The following SMC1A variants were observed in gnomAD, a reference collection of about 807,000 sequenced individuals.
The protein encoded by SMC1A is structural maintenance of chromosomes 1A.
Under a neutral mutation model 94.5 loss-of-function variants are expected in SMC1A, and 4 were observed. The observed-to-expected ratio is 0.04, with a 90% CI of 0.02 to 0.10. SMC1A has a LOEUF of 0.10. SMC1A is among the 10% of genes least tolerant of loss of function. The pLI, the probability that SMC1A is intolerant of heterozygous loss-of-function variation, is 1.00. For missense variants in SMC1A, 304 were observed against 989.0 expected (o/e 0.31, Z 9.29); for synonymous variants, 345 against 347.7 (o/e 0.99, Z 0.09).
intron 19 of SMC1A, among the ~76,000 whole-genome samples, chrX:53,385,622 C>G (rs1398956807): frequency 9.1e-6 from 1 of 110,041 alleles, no homozygotes; most frequent in Non-Finnish European, 1.9e-5. Flanking sequence ...AATAGTGTAT[C>G]TATATTTTAT....
At chrX:53,422,059 G>A in intron 1 of SMC1A, 4 of 1,198,991 alleles carry the variant, frequency 3.3e-6, no homozygotes, top group Non-Finnish European at 4.5e-6. Context: ...GAAGTGCACC[G>A]TTTGGGACCG....
At position 53,375,221 on chromosome X, in the gene SMC1A, C is replaced by T. The variant is rs1369850762; in HGVS notation, c.*4882G>A. On this transcript the variant is annotated 3_prime_UTR_variant, in exon 25 of 25. Coordinates refer to ENST00000322213, the MANE Select transcript of SMC1A (RefSeq NM_006306.4). Reference sequence around the variant, plus strand: ...TTGTTTGACCTGTCCAATACATTGACCTTCAAGGTTCAACCTAAGTCCCAC... The same window carrying T: ...TTGTTTGACCTGTCCAATACATTGATCTTCAAGGTTCAACCTAAGTCCCAC... 4 of 112,243 alleles carry T rather than the reference C, an allele frequency of 3.6e-5. No homozygotes were observed. Among genetic ancestry groups the T allele is most frequent in the Non-Finnish European group, 5.6e-5 (3 of 53,249 alleles). The allele number at this position is 112,243 out of a possible 1,213,427, so 9.3% of individuals were successfully genotyped here.
At chrX:53,390,594 ACT>A (rs1276630636) in intron 19 of SMC1A, among the ~76,000 whole-genome samples, 1 of 111,006 alleles carries the variant, frequency 9.0e-6, no homozygotes, top group Non-Finnish European at 1.9e-5. Context: ...GTAGTATTTT[ACT>A]TTTGCATATA....
At chrX:53,395,131 T>A (rs1324466704) in intron 18 of SMC1A, among the ~76,000 whole-genome samples, 1 of 111,791 alleles carries the variant, frequency 8.9e-6, no homozygotes, top group Non-Finnish European at 1.9e-5. Context: ...TCACTTCAGG[T>A]CAGGAGTTTG....
In SMC1A at chrX:53,413,448, G is replaced by A. The variant is rs201940677; in HGVS notation, c.412-13C>T. On this transcript the variant is annotated splice_polypyrimidine_tract_variant and intron_variant, in intron 3 of 24. Transcript: ENST00000322213. ...ATTCCACAGCACCCTAGTAAAGGTC[G>A]AAACACTCTTCCACTTCAGACCCCA... 1.0e-5 allele frequency: 12 copies of A among 1,194,141 alleles called. No individual in the cohort carries two copies. The highest frequency in any genetic ancestry group is 8.9e-5 in the South Asian group (5 of 56,344).
rs190826288 is a variant in SMC1A, at chrX:53,387,664, G to T, written c.2974-4411C>A. 1.5e-4 allele frequency among the ~76,000 whole-genome samples: 17 copies of T among 111,295 alleles called. No individual in the cohort carries two copies. The East Asian group carries it at 4.0e-3, about 26-fold the overall frequency. On this transcript the variant is annotated intron_variant, in intron 19 of 24. Coordinates refer to ENST00000322213, the MANE Select transcript of SMC1A (RefSeq NM_006306.4). The stretch of plus-strand genomic sequence containing the variant: ...TTCCTGGAGAAATAGTGGATTCCAG[G>T]TCTGGGTGGAAAATGGGGAGGATGA...
intron 19 of SMC1A, among the ~76,000 whole-genome samples, chrX:53,384,805 C>A (rs1016737476): frequency 1.2e-4 from 13 of 110,394 alleles, no homozygotes; most frequent in Admixed American, 2.9e-4. Context: ...ATTAGCCAGA[C>A]GTGGTGGCAC....
Position 53,405,580 on chromosome X carries a change from G to A in SMC1A, c.1824C>T (p.Ala608=). The A allele has an allele frequency of 8.3e-7, 1 of 1,211,882 alleles. No homozygotes were observed. The highest frequency in any genetic ancestry group is 1.1e-6 in the Non-Finnish European group (1 of 895,449). ...IRYEPPHIKK[A]LQYACGNALV... ...GGGCATTGCCACAAGCATACTGCAG[G>A]GCCTTTTTGATATGAGGTGGCTCAT... The change falls in exon 11 of 25, where the codon GCC becomes GCT. Residue 608 remains alanine (A), a synonymous_variant. Coordinates refer to ENST00000322213, the MANE Select transcript of SMC1A (RefSeq NM_006306.4).
At chrX:53,418,726 C>T (rs930640599) in intron 1 of SMC1A, among the ~76,000 whole-genome samples, 2 of 112,059 alleles carry the variant, frequency 1.8e-5, no homozygotes, top group Admixed American at 9.4e-5. Context: ...AGCCACCGTT[C>T]CTGGCCAAAA....
In SMC1A at chrX:53,413,444, G is replaced by A. The variant is rs2075720879; in HGVS notation, c.412-9C>T. ...ATAGATTCCACAGCACCCTAGTAAAGGTCGAAACACTCTTCCACTTCAGAC... is the reference window on the plus strand; with the variant it reads ...ATAGATTCCACAGCACCCTAGTAAAAGTCGAAACACTCTTCCACTTCAGAC... On this transcript the variant is annotated splice_polypyrimidine_tract_variant and intron_variant, in intron 3 of 24. Coordinates refer to ENST00000322213, the MANE Select transcript of SMC1A (RefSeq NM_006306.4). 1 of 1,199,143 alleles carries A rather than the reference G, an allele frequency of 8.3e-7. No individual in the cohort carries two copies. The highest frequency in any genetic ancestry group is 1.1e-6 in the Non-Finnish European group (1 of 885,677).
At chrX:53,403,497 G>T in intron 15 of SMC1A, 69 bp downstream of exon 15, 1 of 842,775 alleles carries the variant, frequency 1.2e-6, no homozygotes, top group Non-Finnish European at 1.7e-6. Flanking sequence ...GACAGCATCT[G>T]GTTTTCCAAG....
At chrX:53,404,868 C>T in intron 13 of SMC1A, 144 bp downstream of exon 13, 1 of 643,036 alleles carries the variant, frequency 1.6e-6, no homozygotes, top group South Asian at 2.4e-5. Flanking sequence ...GAACCCCTGG[C>T]TGTCTGACTC....
At chrX:53,413,560 C>CCG in intron 3 of SMC1A, 125 bp from the exon 4 acceptor site, 1 of 621,580 alleles carries the variant, frequency 1.6e-6, no homozygotes, top group South Asian at 2.4e-5. Flanking sequence ...TGCCACATTT[C>CCG]ACACTGGGCT....
chrX:53,383,014 A>G, intron 20 of SMC1A, 83 bp downstream of exon 20: 1 of 928,139 alleles, frequency 1.1e-6, no homozygotes, highest in Non-Finnish European at 1.5e-6. Flanking sequence ...CAGAACAGGA[A>G]CTGCTGTGAT....
chrX:53,381,963 T>G, intron 22 of SMC1A: 1 of 420,507 alleles, frequency 2.4e-6, no homozygotes, highest in Non-Finnish European at 4.2e-6. Context: ...AAGGGATTAT[T>G]AGCCAGCAAC....
chrX:53,417,927 A>C (rs2075738504), intron 1 of SMC1A, among the ~76,000 whole-genome samples: 2 of 112,097 alleles, frequency 1.8e-5, no homozygotes, highest in African/African-American at 6.5e-5. Flanking sequence ...ATATATGAAA[A>C]CGTAAACAGT....
intron 1 of SMC1A, chrX:53,421,763 C>T: frequency 1.5e-6 from 1 of 687,610 alleles, no homozygotes; most frequent in African/African-American, 2.2e-5. Context: ...TTATTCTATT[C>T]TCCGCTGTTT....
intron 7 of SMC1A, among the ~76,000 whole-genome samples, chrX:53,410,926 CAAAAAAA>C (rs56669032): frequency 3.5e-5 from 1 of 28,815 alleles, no homozygotes; most frequent in African/African-American, 1.9e-4. Context: ...GGCTTTGTCT[CAAAAAAA>C]AAAAAAAAAA....
Position 53,409,492 on chromosome X carries a change from C to T in SMC1A, c.1266G>A (p.Lys422=). 8.3e-7 allele frequency: 1 copy of T among 1,210,095 alleles called. No homozygotes were observed. Among genetic ancestry groups the T allele is most frequent in the Non-Finnish European group, 1.1e-6 (1 of 894,178 alleles). The part of the protein sequence containing the change: ...RKKVETEAKI[K]QKLREIEENQ... ...TCTCTTCAATTTCCCGCAGCTTTTG[C>T]TTGATCTTGGCCTGGGAAACAAACA... Residue 422 remains lysine (K), a synonymous_variant, in exon 8 of 25, where the codon AAG becomes AAA. Coordinates refer to ENST00000322213, the MANE Select transcript of SMC1A (RefSeq NM_006306.4).
Sources: gnomAD v4.1 joint callset for allele counts (sites outside exome capture counted in the v4.1 genomes callset) on GRCh38, gnomAD v4.1.1 for gene constraint, MANE v1.5 for transcripts, NCBI Gene and HGNC (gene_info 2026-07-23, HGNC 2026-07-21) for gene names.